The following RSPO4 variants were observed in gnomAD, a reference collection of about 807,000 sequenced individuals.
RSPO4 encodes R-spondin 4.
A neutral mutation model predicts 24.8 loss-of-function variants in RSPO4; 23 were observed. The observed-to-expected ratio is 0.93, with a 90% CI of 0.67 to 1.31. The LOEUF (loss-of-function observed/expected upper bound fraction) is 1.31, where lower values mean the gene tolerates loss of function less well. Among genes scored for constraint, RSPO4 ranks in the 40% most tolerant of loss-of-function variants. The pLI is 0.00. For synonymous variants in RSPO4, 141 were observed against 127.4 expected, an observed-to-expected ratio of 1.11 and a Z score of -0.72; for missense variants, 333 against 316.5, an observed-to-expected ratio of 1.05 and a Z score of -0.39.
At position 963,939 on chromosome 20, in the gene RSPO4, T is replaced by A; in HGVS notation, c.591A>T (p.Pro197=). Residue 197 remains proline, a synonymous_variant, in exon 4 of 5, where the codon CCA becomes CCT. Coordinates refer to ENST00000217260, the MANE Select transcript of RSPO4 (RefSeq NM_001029871.4). ...TGTGCCTGTCCTGGGGCTCACCTCC[T>A]GGGCAGGGCCTCTGGATGGGACATT... ...SRKCPIQRPC[P]GERSPGQKKG... is the part of the protein sequence containing the mutation. The A allele has an allele frequency of 1.2e-6, 2 of 1,613,800 alleles. No homozygotes were observed. Among genetic ancestry groups the A allele is most frequent in the Non-Finnish European group, 1.7e-6 (2 of 1,180,020 alleles).
In RSPO4 at chr20:959,142, T is replaced by TGTGGGGGAGTGTGGTGGTGGGG; in HGVS notation, c.*1214_*1215insCCCCACCACCACACTCCCCCAC. The TGTGGGGGAGTGTGGTGGTGGGG allele has an allele frequency of 8.5e-6, 1 of 117,392 alleles. No individual in the cohort carries two copies. The highest frequency in any genetic ancestry group is 3.6e-5 in the African/African-American group (1 of 28,000). The allele number at this position is 117,392 out of a possible 1,614,324, so 7.3% of individuals were successfully genotyped here. On this transcript the variant is annotated 3_prime_UTR_variant, in exon 5 of 5. Coordinates refer to ENST00000217260, the MANE Select transcript of RSPO4 (RefSeq NM_001029871.4). The stretch of plus-strand genomic sequence containing the variant: ...GGGTGTGGGGCAGTGTGGTGGTGGG[T>TGTGGGGGAGTGTGGTGGTGGGG]GTGGGCGAGTGCGGTGATGGGTGTG...
At chr20:1,001,404 G>A (rs1048413887) in intron 1 of RSPO4, among the ~76,000 whole-genome samples, 2 of 152,184 alleles carry the variant, frequency 1.3e-5, no homozygotes, top group South Asian at 2.1e-4. Flanking sequence ...GGACTCCCAG[G>A]TGAGAGCGCA....
intron 1 of RSPO4, among the ~76,000 whole-genome samples, chr20:983,528 C>G (rs62187528): frequency 2.0e-5 from 3 of 152,124 alleles, no homozygotes; most frequent in East Asian, 1.9e-4. Context: ...TTGGATACCC[C>G]CTAAGGAACC....
chr20:989,867 G>A (rs141944638), intron 1 of RSPO4, among the ~76,000 whole-genome samples: 117 of 152,334 alleles, frequency 7.7e-4, no homozygotes, highest in African/African-American at 2.7e-3. Context: ...GGGAGCTCTG[G>A]CCGATTTTCA....
chr20:992,177 C>A (rs1476225615), intron 1 of RSPO4, among the ~76,000 whole-genome samples: 1 of 151,970 alleles, frequency 6.6e-6, no homozygotes, highest in Non-Finnish European at 1.5e-5. Flanking sequence ...AATGTGCTGG[C>A]AACATACGCA....
At chr20:966,840 T>C (rs6140806) in intron 3 of RSPO4, among the ~76,000 whole-genome samples, 19,021 of 152,066 alleles carry the variant, frequency 0.13, 1,214 homozygotes, top group Middle Eastern at 0.19. Context: ...GGCAACAGAG[T>C]GAGACCCTAT....
At chr20:1,001,265 C>A (rs940680644) in intron 1 of RSPO4, among the ~76,000 whole-genome samples, 1 of 152,180 alleles carries the variant, frequency 6.6e-6, no homozygotes. Flanking sequence ...CTCAGGCAGG[C>A]GATTTGCTCA....
At chr20:984,205 G>C (rs1229114538) in intron 1 of RSPO4, among the ~76,000 whole-genome samples, 1 of 152,060 alleles carries the variant, frequency 6.6e-6, no homozygotes, top group Non-Finnish European at 1.5e-5. Context: ...CAGGTGTGGT[G>C]GTGCGCACCT....
At chr20:987,288 T>C (rs941810491) in intron 1 of RSPO4, among the ~76,000 whole-genome samples, 7 of 152,180 alleles carry the variant, frequency 4.6e-5, no homozygotes, top group African/African-American at 1.7e-4. Flanking sequence ...TGAGGATGGT[T>C]GGGGCACTGC....
chr20:992,928 A>G (rs142013925), intron 1 of RSPO4, among the ~76,000 whole-genome samples: 35 of 152,380 alleles, frequency 2.3e-4, no homozygotes, highest in African/African-American at 7.9e-4. Flanking sequence ...CAGAGCCCAC[A>G]GCCTTCGTGA....
intron 4 of RSPO4, among the ~76,000 whole-genome samples, chr20:961,001 A>G (rs934265286): frequency 6.6e-5 from 10 of 152,222 alleles, no homozygotes; most frequent in African/African-American, 2.2e-4. Context: ...AGAGGCAGGT[A>G]GGGTCTGAGC....
chr20:968,203 G>C (rs1984293296), intron 1 of RSPO4, 65 bp from the exon 2 acceptor site: 1 of 1,448,246 alleles, frequency 6.9e-7, no homozygotes, highest in Non-Finnish European at 9.6e-7. Context: ...CCATATATGC[G>C]AGCAGCTGAG....
Position 968,198 on chromosome 20 carries a change from T to C in RSPO4, c.80-60A>G, listed in dbSNP as rs546530268. The C allele has an allele frequency of 3.5e-5, 53 of 1,508,376 alleles. No homozygotes were observed. In the Admixed American group the frequency reaches 5.7e-4, roughly 16 times the overall value. 93.4% of individuals were successfully genotyped at this position (1,508,376 alleles called of 1,614,324 possible). On this transcript the variant is annotated intron_variant, in intron 1 of 4. Coordinates refer to ENST00000217260, the MANE Select transcript of RSPO4 (RefSeq NM_001029871.4). ...GGGAGAGAGAGATGGTCAAACCATATATGCGAGCAGCTGAGATGGTCTCAT... is the reference window on the plus strand; with the variant it reads ...GGGAGAGAGAGATGGTCAAACCATACATGCGAGCAGCTGAGATGGTCTCAT...
intron 1 of RSPO4, among the ~76,000 whole-genome samples, chr20:995,386 C>T (rs1985242596): frequency 6.6e-6 from 1 of 152,182 alleles, no homozygotes; most frequent in African/African-American, 2.4e-5. Context: ...TCTGAACCAA[C>T]TTCCCTCTTC....
intron 1 of RSPO4, among the ~76,000 whole-genome samples, chr20:1,001,352 C>T (rs1346490489): frequency 6.6e-6 from 1 of 152,208 alleles, no homozygotes; most frequent in African/African-American, 2.4e-5. Context: ...TCCAACCCAC[C>T]TTCTGAGGAT....
In RSPO4 at chr20:967,236, C is replaced by G; in HGVS notation, c.347G>C (p.Gly116Ala). The change falls in exon 3 of 5, where the codon GGG (glycine) becomes GCG (alanine). Residue 116 changes from glycine to alanine, a missense_variant. Gly to Ala is a moderately conservative substitution (Grantham distance 60). Coordinates refer to ENST00000217260, the MANE Select transcript of RSPO4 (RefSeq NM_001029871.4). ...RCKRQFYLYKGKCLPTCPPGT... is the reference protein window; with the variant it reads ...RCKRQFYLYKAKCLPTCPPGT... ...CGGCGGGCAGGTGGGCAGACACTTC[C>G]CCTTGTACAAGTAAAACTGCCTCTT... The G allele has an allele frequency of 6.2e-7, 1 of 1,614,236 alleles. No individual in the cohort carries two copies. Among genetic ancestry groups the G allele is most frequent in the Non-Finnish European group, 8.5e-7 (1 of 1,180,042 alleles).
At chr20:1,001,846 T>TG (rs1172501896) in intron 1 of RSPO4, among the ~76,000 whole-genome samples, 4 of 152,150 alleles carry the variant, frequency 2.6e-5, no homozygotes, top group African/African-American at 7.2e-5. Context: ...CAGAGAGCCC[T>TG]GCTACCCTCT....
intron 4 of RSPO4, among the ~76,000 whole-genome samples, 195 bp from the exon 5 acceptor site, chr20:960,661 C>T (rs1160508881): frequency 6.6e-6 from 1 of 152,246 alleles, no homozygotes; most frequent in East Asian, 1.9e-4. Flanking sequence ...CTGAACCTTT[C>T]TCTCTAGGTC....
chr20:987,981 A>G (rs992658838), intron 1 of RSPO4, among the ~76,000 whole-genome samples: 2 of 152,242 alleles, frequency 1.3e-5, no homozygotes, highest in Non-Finnish European at 2.9e-5. Flanking sequence ...ATTTCAGAGA[A>G]CGACAGGGAA....
Sources: allele counts gnomAD v4.1 joint callset (sites outside exome capture counted in the v4.1 genomes callset), GRCh38; gene constraint gnomAD v4.1.1; transcripts MANE v1.5; gene names NCBI Gene and HGNC (gene_info 2026-07-23, HGNC 2026-07-21).